RPS6KC1: variants seen among roughly 807,000 people sequenced by gnomAD.
RPS6KC1 encodes the protein inactive ribosomal protein S6 kinase delta-1.
A neutral mutation model predicts 103.8 loss-of-function variants in RPS6KC1; 54 were observed. The ratio of observed to expected loss-of-function variants is 0.52; its 90% CI spans 0.42 to 0.65. The LOEUF (loss-of-function observed/expected upper bound fraction) is 0.65. Ranked by LOEUF, RPS6KC1 falls within the 30% of genes least tolerant of loss-of-function variation. RPS6KC1 has a pLI of 0.00. For synonymous variants in RPS6KC1, 439 were observed against 438.7 expected, an observed-to-expected ratio of 1.00 and a Z score of -0.01; for missense variants, 1,151 against 1,253.8, an observed-to-expected ratio of 0.92 and a Z score of 1.24.
At position 213,130,913 on chromosome 1, in the gene RPS6KC1, CT is replaced by C. The variant is rs537093393; in HGVS notation, c.835+1025del. Among the ~76,000 whole-genome samples, 316 of 151,988 alleles carry C rather than the reference CT, an allele frequency of 2.1e-3. 1 individual carries two copies. The highest frequency in any genetic ancestry group is 7.0e-3 in the African/African-American group (290 of 41,480). On this transcript the variant is annotated intron_variant, in intron 6 of 14. Transcript: ENST00000366960. ...TCCCTTTTAGTAACTTCTCATCCAT[CT>C]ACCTTTTTTTTTTTAAATTATATTC...
At chr1:213,383,067 C>T in the RPS6KC1 span, among the ~76,000 whole-genome samples, 3 of 152,198 alleles carry the variant, frequency 2.0e-5, no homozygotes, top group East Asian at 3.9e-4. Flanking sequence ...GTGAAGTCTC[C>T]TCCTTCTTGC....
chr1:213,149,565 A>C (rs1010528913), intron 6 of RPS6KC1, among the ~76,000 whole-genome samples: 2 of 152,218 alleles, frequency 1.3e-5, no homozygotes, highest in African/African-American at 4.8e-5. Flanking sequence ...GTGACCTGAC[A>C]TATGGTCTGT....
At chr1:213,533,411 T>C in the RPS6KC1 span, among the ~76,000 whole-genome samples, 1 of 152,208 alleles carries the variant, frequency 6.6e-6, no homozygotes, top group Non-Finnish European at 1.5e-5. Flanking sequence ...CTAGAATCAA[T>C]ATGGTACATA....
chr1:213,266,901 CTCAAACAAACAAACAA>C (rs1481122439), intron 14 of RPS6KC1, among the ~76,000 whole-genome samples: 65 of 127,798 alleles, frequency 5.1e-4, no homozygotes, highest in African/African-American at 1.6e-3. Context: ...GAGGCTCCGT[CTCAAACAAACAAACAA>C]ACAAACAAAC....
the RPS6KC1 span, among the ~76,000 whole-genome samples, chr1:213,842,542 G>A: frequency 6.6e-6 from 1 of 152,130 alleles, no homozygotes; most frequent in South Asian, 2.1e-4. Context: ...TACAAATTCA[G>A]CATGAGAACT....
At chr1:213,567,223 T>C in the RPS6KC1 span, among the ~76,000 whole-genome samples, 2 of 152,210 alleles carry the variant, frequency 1.3e-5, no homozygotes, top group African/African-American at 4.8e-5. Flanking sequence ...CAGAGCCTAG[T>C]ATGAGACGGC....
the RPS6KC1 span, among the ~76,000 whole-genome samples, chr1:213,769,831 T>A: frequency 3.3e-5 from 5 of 151,724 alleles, no homozygotes; most frequent in Non-Finnish European, 7.4e-5. Flanking sequence ...TGACAAGATT[T>A]AAAAAAAAAT....
At chr1:213,176,289 T>C in intron 7 of RPS6KC1, 111 bp from the exon 8 acceptor site, 1 of 545,548 alleles carries the variant, frequency 1.8e-6, no homozygotes, top group East Asian at 3.0e-5. Context: ...ATCTTTCCAT[T>C]CTCTGATTTA....
At chr1:213,789,672 A>G in the RPS6KC1 span, among the ~76,000 whole-genome samples, 10 of 152,190 alleles carry the variant, frequency 6.6e-5, no homozygotes, top group Non-Finnish European at 1.5e-4. Flanking sequence ...AAGGTACTCT[A>G]TCGAGTCTAC....
At chr1:213,237,453 A>G (rs2094247271) in intron 10 of RPS6KC1, among the ~76,000 whole-genome samples, 2 of 152,122 alleles carry the variant, frequency 1.3e-5, no homozygotes, top group Admixed American at 1.3e-4. Flanking sequence ...AATGGCTATT[A>G]TTAATTGATA....
chr1:213,646,069 G>A, the RPS6KC1 span, among the ~76,000 whole-genome samples: 3 of 152,178 alleles, frequency 2.0e-5, no homozygotes, highest in African/African-American at 4.8e-5. Context: ...TTCTGTTAGC[G>A]TGTAAAGCAT....
At chr1:213,772,722 G>A in the RPS6KC1 span, among the ~76,000 whole-genome samples, 8 of 152,136 alleles carry the variant, frequency 5.3e-5, no homozygotes, top group Admixed American at 2.0e-4. Context: ...AGAAGGCTCT[G>A]TCTGGTGTCT....
intron 4 of RPS6KC1, among the ~76,000 whole-genome samples, chr1:213,115,187 C>A (rs1389976809): frequency 6.6e-6 from 1 of 152,062 alleles, no homozygotes. Context: ...TGGTCCTGGA[C>A]TCTTTTTGGT....
At chr1:213,098,588 TAC>T in intron 3 of RPS6KC1, among the ~76,000 whole-genome samples, 1 of 152,234 alleles carries the variant, frequency 6.6e-6, no homozygotes, top group South Asian at 2.1e-4. Flanking sequence ...GGAGATTGGG[TAC>T]AGCTGGTTGG....
At chr1:213,287,258 GTGTGTGTGT>G in the RPS6KC1 span, among the ~76,000 whole-genome samples, 1 of 151,026 alleles carries the variant, frequency 6.6e-6, no homozygotes, top group Non-Finnish European at 1.5e-5. Flanking sequence ...GTGTGTGTGT[GTGTGTGTGT>G]GTGTGTATTT....
the RPS6KC1 span, among the ~76,000 whole-genome samples, chr1:213,815,375 T>C: frequency 6.6e-6 from 1 of 152,210 alleles, no homozygotes; most frequent in African/African-American, 2.4e-5. Flanking sequence ...ATTAATGTAA[T>C]CATTAGCTTC....
the RPS6KC1 span, among the ~76,000 whole-genome samples, chr1:213,734,386 G>A: frequency 1.3e-5 from 2 of 152,206 alleles, no homozygotes; most frequent in African/African-American, 4.8e-5. Flanking sequence ...GGGGTATATA[G>A]AATAATTACC....
rs2095096466 is a variant in RPS6KC1, at chr1:213,274,084, TA to T, written c.*1451del. 6.6e-6 allele frequency: 1 copy of T among 152,190 alleles called. No homozygotes were observed. Among genetic ancestry groups the T allele is most frequent in the Non-Finnish European group, 1.5e-5 (1 of 68,018 alleles). 9.4% of individuals were successfully genotyped at this position (152,190 alleles called of 1,614,324 possible). A position where few individuals can be genotyped will look rare whatever the true frequency, so the allele number is the denominator to read the frequency against. On this transcript the variant is annotated 3_prime_UTR_variant, in exon 15 of 15. Transcript: ENST00000366960. Reference sequence around the variant, plus strand: ...GTGCAAGCATTTTTCCTTTTTCTATTATTCTATTTCCCTTTTTCCTTTTTGG... The same window carrying T: ...GTGCAAGCATTTTTCCTTTTTCTATTTTCTATTTCCCTTTTTCCTTTTTGG...
intron 10 of RPS6KC1, among the ~76,000 whole-genome samples, chr1:213,235,968 G>A (rs757801047): frequency 6.6e-6 from 1 of 150,980 alleles, no homozygotes; most frequent in Non-Finnish European, 1.5e-5. Context: ...AGGGGTCTCC[G>A]GGCCACAGAC....
Sources: gnomAD v4.1 joint callset for allele counts (sites outside exome capture counted in the v4.1 genomes callset) on GRCh38, gnomAD v4.1.1 for gene constraint, MANE v1.5 for transcripts, NCBI Gene and HGNC (gene_info 2026-07-23, HGNC 2026-07-21) for gene names.